Variants in TRPA1 observed in about 807,000 individuals in gnomAD.
TRPA1 encodes ankyrin-like with transmembrane domains 1.
In TRPA1, 129 loss-of-function variants were observed where a neutral mutation model predicts 131.3. That is an observed-to-expected ratio of 0.98 (90% CI 0.85 to 1.14). The LOEUF is 1.14. Ranked by LOEUF, TRPA1 falls within the 50% of genes most tolerant of loss-of-function variation. TRPA1 has a pLI of 0.00. For missense variants in TRPA1, 1,304 were observed against 1,354.2 expected, an observed-to-expected ratio of 0.96 and a Z score of 0.58; for synonymous variants, 441 against 451.7, an observed-to-expected ratio of 0.98 and a Z score of 0.30.
At chr8:72,047,324 G>GAGATGCAAGAAA in intron 15 of TRPA1, 117 bp from the exon 16 acceptor site, 3 of 772,424 alleles carry the variant, frequency 3.9e-6, no homozygotes, top group Non-Finnish European at 6.7e-6. Context: ...TTGGTTTCTT[G>GAGATGCAAGAAA]CATCTCAAGA....
At chr8:72,052,467 G>A (rs759078505) in intron 14 of TRPA1, 132 bp downstream of exon 14, 12 of 1,074,286 alleles carry the variant, frequency 1.1e-5, no homozygotes, top group African/African-American at 4.8e-5. Flanking sequence ...TTAAAAAATT[G>A]ATGTAAACAA....
At chr8:72,078,856 C>A (rs1302290295), upstream of TRPA1, among the ~76,000 whole-genome samples, 1 of 151,998 alleles carries the variant, frequency 6.6e-6, no homozygotes, top group Non-Finnish European at 1.5e-5. Flanking sequence ...AGTGGATGTA[C>A]CATTTTATAT....
chr8:72,042,095 C>T (rs1344376113), intron 17 of TRPA1, among the ~76,000 whole-genome samples: 3 of 151,636 alleles, frequency 2.0e-5, no homozygotes, highest in African/African-American at 7.3e-5. Context: ...AAGCAATGAC[C>T]AAAGTGAAAA....
Position 72,057,027 on chromosome 8 carries a change from A to T in TRPA1, c.1094-10T>A, listed in dbSNP as rs1256542685. The T allele has an allele frequency of 1.3e-6, 2 of 1,565,664 alleles. No homozygotes were observed. The highest frequency in any genetic ancestry group is 1.4e-5 in the African/African-American group (1 of 73,192). On this transcript the variant is annotated splice_polypyrimidine_tract_variant and intron_variant, in intron 9 of 26. Coordinates refer to ENST00000262209, the MANE Select transcript of TRPA1 (RefSeq NM_007332.3). ...ATGTCTACTTGGGCACCTAAAAAAAAACACTATGTAAATATAAATTCTATT... is the reference window on the plus strand; with the variant it reads ...ATGTCTACTTGGGCACCTAAAAAAATACACTATGTAAATATAAATTCTATT...
Position 72,039,438 on chromosome 8 carries a change from TATATA to T in TRPA1, c.2132+284_2132+288del, listed in dbSNP as rs368615548. 2.0e-4 allele frequency among the ~76,000 whole-genome samples: 30 copies of T among 152,160 alleles called. No individual in the cohort carries two copies. In the East Asian group the frequency reaches 2.9e-3, roughly 15 times the overall value. On this transcript the variant is annotated intron_variant, in intron 18 of 26. Coordinates refer to ENST00000262209, the MANE Select transcript of TRPA1 (RefSeq NM_007332.3). ...GGCTCTAAAGAGCTTCTTCATGTCT[TATATA>T]ATAATTCCCTCCCACCCTGCAAATA... is the stretch of plus-strand genomic sequence containing the variant.
intron 17 of TRPA1, chr8:72,041,113 A>C (rs1812236104): frequency 6.6e-6 from 1 of 152,088 alleles, no homozygotes; most frequent in Non-Finnish European, 1.5e-5. Flanking sequence ...AACTGTGAGA[A>C]GAAACAAAGG....
chr8:72,040,799 A>T (rs1393128049), intron 17 of TRPA1, among the ~76,000 whole-genome samples: 1 of 152,092 alleles, frequency 6.6e-6, no homozygotes, highest in East Asian at 1.9e-4. Flanking sequence ...TCAAAGACAC[A>T]GGGAAAAAGA....
upstream of TRPA1, among the ~76,000 whole-genome samples, chr8:72,075,787 CGGGGT>C (rs1806168166): frequency 1.3e-5 from 2 of 151,726 alleles, no homozygotes; most frequent in African/African-American, 4.9e-5. Context: ...CGTGTCAGGT[CGGGGT>C]GGATTGCAGA....
chr8:72,069,784 C>T (rs1209429105), intron 2 of TRPA1, among the ~76,000 whole-genome samples: 2 of 151,834 alleles, frequency 1.3e-5, no homozygotes, highest in African/African-American at 4.8e-5. Context: ...CCTACACACA[C>T]ACACAGGGAG....
chr8:72,065,617 C>T, intron 3 of TRPA1, 59 bp from the exon 4 acceptor site: 1 of 1,245,014 alleles, frequency 8.0e-7, no homozygotes, highest in Non-Finnish European at 1.2e-6. Context: ...AAGGTACTTG[C>T]CTTCCACTAG....
At chr8:72,088,428 G>A in the TRPA1 span, among the ~76,000 whole-genome samples, 5 of 132,658 alleles carry the variant, frequency 3.8e-5, no homozygotes, top group Non-Finnish European at 7.8e-5. Flanking sequence ...GGGTAGATAT[G>A]CATGTTTAGA....
Position 72,056,954 on chromosome 8 carries a change from G to A in TRPA1, c.1157C>T (p.Pro386Leu), listed in dbSNP as rs752350043. 3 of 1,609,368 alleles carry A rather than the reference G, an allele frequency of 1.9e-6. No individual in the cohort carries two copies. The highest frequency in any genetic ancestry group is 3.3e-5 in the Admixed American group (2 of 59,854). The stretch of plus-strand genomic sequence containing the variant: ...AGGTCGCAGATTTTTTAATCCATAA[G>A]GTTGCTGTACAGTTAAATGCAGAAA... ...RNFLHLTVQQPYGLKNLRPEF... is the reference protein window; with the variant it reads ...RNFLHLTVQQLYGLKNLRPEF... Residue 386 changes from proline to leucine, a missense_variant, in exon 10 of 27, where the codon CCT becomes CTT. Transcript: ENST00000262209.
chr8:72,037,937 AT>A, intron 20 of TRPA1, 45 bp downstream of exon 20: 1 of 1,112,358 alleles, frequency 9.0e-7, no homozygotes, highest in Non-Finnish European at 1.4e-6. Context: ...TATGTTCTGC[AT>A]ATGAAAATAT....
At chr8:72,032,562 A>G (rs1394000463) in intron 23 of TRPA1, among the ~76,000 whole-genome samples, 2 of 152,238 alleles carry the variant, frequency 1.3e-5, no homozygotes, top group African/African-American at 2.4e-5. Flanking sequence ...ATTTTCCTCC[A>G]GGATATCCAG....
chr8:72,038,035 A>G lies in TRPA1; in HGVS notation c.2333T>C (p.Phe778Ser). Residue 778 changes from phenylalanine to serine, a missense_variant, in exon 20 of 27, where the codon TTT (phenylalanine) becomes TCT (serine). Phe to Ser is a radical substitution (Grantham distance 155). Transcript: ENST00000262209. ...YLIKTCMILV[F>S]LSSIFGYCKE... ...GCAATACCCAAATATACTTGATAAA[A>G]ACACTAAAATCATACAAGTTTTTAT... is the stretch of plus-strand genomic sequence containing the variant. 6.2e-7 allele frequency: 1 copy of G among 1,600,448 alleles called. No individual in the cohort carries two copies. The highest frequency in any genetic ancestry group is 8.6e-7 in the Non-Finnish European group (1 of 1,168,860).
intron 15 of TRPA1, 151 bp from the exon 16 acceptor site, chr8:72,047,358 A>G: frequency 1.5e-6 from 1 of 657,004 alleles, no homozygotes; most frequent in Non-Finnish European, 2.7e-6. Context: ...TATGTCATTC[A>G]GGAACAAAGT....
At chr8:72,030,250 C>T (rs1811764098) in intron 23 of TRPA1, among the ~76,000 whole-genome samples, 1 of 152,154 alleles carries the variant, frequency 6.6e-6, no homozygotes. Flanking sequence ...TCCCTCATAG[C>T]TCTTTTATAA....
chr8:72,053,027 G>C, intron 13 of TRPA1: 1 of 368,022 alleles, frequency 2.7e-6, no homozygotes, highest in South Asian at 2.6e-5. Context: ...GAGAGAGAGA[G>C]AGAGAGAGAG....
chr8:72,063,054 A>T (rs1351324703), intron 5 of TRPA1, 110 bp from the exon 6 acceptor site: 1 of 1,082,350 alleles, frequency 9.2e-7, no homozygotes, highest in African/African-American at 1.6e-5. Context: ...GGGCACCGAG[A>T]CACATAAAAG....
Sources: allele counts gnomAD v4.1 joint callset (sites outside exome capture counted in the v4.1 genomes callset), GRCh38; gene constraint gnomAD v4.1.1; transcripts MANE v1.5; gene names NCBI Gene and HGNC (gene_info 2026-07-23, HGNC 2026-07-21).